Variants in NT5C3A observed in about 807,000 individuals in gnomAD.
NT5C3A encodes 5'-nucleotidase, cytosolic IIIA, also known as cytosolic 5'-nucleotidase 3A.
NT5C3A carries 23 observed loss-of-function variants against 40.0 expected under a neutral mutation model. The observed-to-expected ratio is 0.58, with a 90% CI of 0.41 to 0.81. The LOEUF (loss-of-function observed/expected upper bound fraction) is 0.81, where lower values mean the gene tolerates loss of function less well. NT5C3A is among the 40% of genes least tolerant of loss of function. The pLI, the probability that NT5C3A is intolerant of heterozygous loss-of-function variation, is 0.00. For synonymous variants in NT5C3A, 130 were observed against 141.4 expected, an observed-to-expected ratio of 0.92 and a Z score of 0.57; for missense variants, 328 against 403.0, an observed-to-expected ratio of 0.81 and a Z score of 1.59.
intron 1 of NT5C3A, among the ~76,000 whole-genome samples, chr7:33,040,236 A>AC (rs200107247): frequency 2.0e-5 from 3 of 151,864 alleles, no homozygotes; most frequent in East Asian, 1.9e-4. Context: ...GGAAAAAAAA[A>AC]CCTATAAAAT....
intron 1 of NT5C3A, among the ~76,000 whole-genome samples, chr7:33,056,468 T>C (rs1402138011): frequency 8.0e-5 from 6 of 75,202 alleles, no homozygotes; most frequent in Non-Finnish European, 1.2e-4. Flanking sequence ...AGACCCCGTC[T>C]CTACCAAAAA....
chr7:33,041,744 A>AT (rs539215320), intron 1 of NT5C3A, among the ~76,000 whole-genome samples: 20 of 150,304 alleles, frequency 1.3e-4, no homozygotes, highest in Middle Eastern at 3.4e-3. Flanking sequence ...AGAAAAAAAA[A>AT]TTTTTTTTTT....
At chr7:33,044,855 A>C (rs891189771) in intron 1 of NT5C3A, among the ~76,000 whole-genome samples, 3 of 152,218 alleles carry the variant, frequency 2.0e-5, no homozygotes, top group Non-Finnish European at 4.4e-5. Flanking sequence ...AAATATATGA[A>C]TTTAAGCTTT....
At chr7:33,028,975 A>C (rs1786097954) in intron 1 of NT5C3A, among the ~76,000 whole-genome samples, 1 of 152,088 alleles carries the variant, frequency 6.6e-6, no homozygotes, top group Non-Finnish European at 1.5e-5. Context: ...GAATGGCGTA[A>C]ACCCGGGAGG....
intron 6 of NT5C3A, among the ~76,000 whole-genome samples, chr7:33,018,745 G>A (rs1354089429): frequency 6.6e-6 from 1 of 151,782 alleles, no homozygotes; most frequent in Non-Finnish European, 1.5e-5. Flanking sequence ...GGCTAGTCAG[G>A]AGACTGAGGC....
chr7:33,014,172 T>C lies in NT5C3A; in HGVS notation c.*558A>G, dbSNP rs1225412619. 4.4e-6 allele frequency: 2 copies of C among 452,828 alleles called. No homozygotes were observed. Among genetic ancestry groups the C allele is most frequent in the Admixed American group, 2.4e-5 (1 of 42,334 alleles). 28.1% of individuals were successfully genotyped at this position (452,828 alleles called of 1,614,324 possible). On this transcript the variant is annotated 3_prime_UTR_variant, in exon 9 of 9. Coordinates refer to ENST00000610140, the MANE Select transcript of NT5C3A (RefSeq NM_001002010.5). ...TTCATATTTATTATCAGTGCTTCAATATAGAATGTTTTGTAATGATTAGCA... is the reference window on the plus strand; with the variant it reads ...TTCATATTTATTATCAGTGCTTCAACATAGAATGTTTTGTAATGATTAGCA...
intron 1 of NT5C3A, among the ~76,000 whole-genome samples, chr7:33,032,630 AT>A (rs1339371009): frequency 1.3e-5 from 2 of 151,228 alleles, no homozygotes; most frequent in Non-Finnish European, 3.0e-5. Context: ...TAATTTTTGC[AT>A]TTTTTTGTAG....
chr7:33,019,184 G>A (rs1785495403), intron 6 of NT5C3A, among the ~76,000 whole-genome samples: 1 of 151,850 alleles, frequency 6.6e-6, no homozygotes. Flanking sequence ...GAGCCCAGGA[G>A]GCAGAGGTTG....
chr7:33,053,354 A>T (rs1787446551), intron 1 of NT5C3A, among the ~76,000 whole-genome samples: 1 of 152,026 alleles, frequency 6.6e-6, no homozygotes, highest in Non-Finnish European at 1.5e-5. Context: ...CGCCTGGCTA[A>T]TTTTTGTATT....
intron 1 of NT5C3A, among the ~76,000 whole-genome samples, chr7:33,030,621 A>G (rs1452140618): frequency 6.6e-6 from 1 of 152,210 alleles, no homozygotes; most frequent in Non-Finnish European, 1.5e-5. Flanking sequence ...ATGTTGGTTG[A>G]TTGATGCCAA....
intron 1 of NT5C3A, among the ~76,000 whole-genome samples, chr7:33,033,648 G>A (rs1454485938): frequency 6.6e-6 from 1 of 152,052 alleles, no homozygotes; most frequent in Non-Finnish European, 1.5e-5. Flanking sequence ...GTCAAAGGAG[G>A]AAGAGCCAAC....
At chr7:33,015,375 C>T (rs1019280022) in intron 8 of NT5C3A, among the ~76,000 whole-genome samples, 2 of 152,070 alleles carry the variant, frequency 1.3e-5, no homozygotes, top group African/African-American at 4.8e-5. Context: ...CCAGCTTGGG[C>T]AACACAGGGA....
chr7:33,033,635 G>A (rs1786408734), intron 1 of NT5C3A, among the ~76,000 whole-genome samples: 1 of 152,040 alleles, frequency 6.6e-6, no homozygotes, highest in Non-Finnish European at 1.5e-5. Context: ...TTCTTCTTCT[G>A]GGGTCAAAGG....
intron 1 of NT5C3A, among the ~76,000 whole-genome samples, chr7:33,048,813 C>T (rs1787255251): frequency 6.6e-6 from 1 of 152,152 alleles, no homozygotes; most frequent in African/African-American, 2.4e-5. Context: ...CCCCATATCC[C>T]ATCTTTTTAA....
chr7:33,062,377 C>G (rs750846961), intron 1 of NT5C3A, among the ~76,000 whole-genome samples, 191 bp downstream of exon 1: 1 of 152,226 alleles, frequency 6.6e-6, no homozygotes, highest in South Asian at 2.1e-4. Context: ...ACCAAGCCCG[C>G]GGAGTGGCCG....
At chr7:33,032,283 C>A (rs961799514) in intron 1 of NT5C3A, among the ~76,000 whole-genome samples, 6 of 151,296 alleles carry the variant, frequency 4.0e-5, no homozygotes, top group Non-Finnish European at 8.8e-5. Flanking sequence ...ATTAGCTGGG[C>A]ATGGTGGCAT....
intron 2 of NT5C3A, among the ~76,000 whole-genome samples, chr7:33,025,370 A>G (rs987490375): frequency 3.3e-5 from 5 of 152,200 alleles, no homozygotes; most frequent in Admixed American, 2.6e-4. Flanking sequence ...AACTATACCA[A>G]TGAATGAATG....
At chr7:33,015,007 T>C (rs1273790357) in intron 8 of NT5C3A, among the ~76,000 whole-genome samples, 176 bp from the exon 9 acceptor site, 2 of 152,230 alleles carry the variant, frequency 1.3e-5, no homozygotes, top group Non-Finnish European at 2.9e-5. Context: ...ACAGACATTT[T>C]TCCACATGGT....
intron 1 of NT5C3A, among the ~76,000 whole-genome samples, chr7:33,030,065 T>C (rs552163528): frequency 1.1e-4 from 16 of 152,336 alleles, no homozygotes; most frequent in South Asian, 4.1e-4. Context: ...TTGGGTTATA[T>C]AGTATACTAT....
Sources: gnomAD v4.1 joint callset for allele counts (sites outside exome capture counted in the v4.1 genomes callset) on GRCh38, gnomAD v4.1.1 for gene constraint, MANE v1.5 for transcripts, NCBI Gene and HGNC (gene_info 2026-07-23, HGNC 2026-07-21) for gene names.